The following CDCP1 variants were observed in gnomAD, a reference collection of about 807,000 sequenced individuals.
CDCP1 encodes CUB domain containing protein 1, also known as CUB domain-containing protein 1.
A neutral mutation model predicts 60.2 loss-of-function variants in CDCP1; 29 were observed. The ratio of observed to expected loss-of-function variants is 0.48; its 90% confidence interval spans 0.36 to 0.66. CDCP1 has a LOEUF of 0.66. CDCP1 is among the 30% of genes least tolerant of loss of function. CDCP1 has a pLI of 0.00. For missense variants in CDCP1, 876 were observed against 1,074.3 expected (o/e 0.82, Z 2.58); for synonymous variants, 387 against 431.1 (o/e 0.90, Z 1.27).
intron 1 of CDCP1, among the ~76,000 whole-genome samples, chr3:45,143,160 C>T (rs1021580395): frequency 3.3e-5 from 5 of 152,116 alleles, no homozygotes; most frequent in Non-Finnish European, 5.9e-5. Flanking sequence ...GCCGAGATCG[C>T]GCCATTGCAC....
intron 1 of CDCP1, among the ~76,000 whole-genome samples, chr3:45,119,653 G>A (rs2126000856): frequency 6.6e-6 from 1 of 152,264 alleles, no homozygotes; most frequent in Middle Eastern, 3.4e-3. Flanking sequence ...CTAATCAGAA[G>A]CTTTTGTTTC....
chr3:45,089,924 G>A (rs1413272536), intron 7 of CDCP1, among the ~76,000 whole-genome samples: 2 of 152,170 alleles, frequency 1.3e-5, no homozygotes, highest in Non-Finnish European at 2.9e-5. Context: ...TCCTTTTCCT[G>A]CAGCTGCACA....
intron 4 of CDCP1, among the ~76,000 whole-genome samples, chr3:45,100,951 C>A (rs976445368): frequency 6.6e-6 from 1 of 152,198 alleles, no homozygotes. Flanking sequence ...AAATGATCCC[C>A]AAATCTGAAT....
chr3:45,130,422 A>G (rs1188477228), intron 1 of CDCP1, among the ~76,000 whole-genome samples: 1 of 152,166 alleles, frequency 6.6e-6, no homozygotes, highest in Non-Finnish European at 1.5e-5. Context: ...TCCAGCCACA[A>G]TAAAACAATT....
At chr3:45,133,812 T>C (rs540883825) in intron 1 of CDCP1, among the ~76,000 whole-genome samples, 2 of 151,172 alleles carry the variant, frequency 1.3e-5, no homozygotes, top group South Asian at 2.1e-4. Flanking sequence ...TAATCTTGCC[T>C]CTGAGTCCCC....
intron 1 of CDCP1, among the ~76,000 whole-genome samples, chr3:45,126,251 T>TC (rs1553611041): frequency 9.8e-5 from 14 of 143,266 alleles, no homozygotes; most frequent in Admixed American, 9.2e-4. Flanking sequence ...TCCTTCCTTC[T>TC]TCTCTCTCTC....
chr3:45,098,328 ATC>A (rs1284798033), intron 4 of CDCP1, among the ~76,000 whole-genome samples: 2 of 152,146 alleles, frequency 1.3e-5, no homozygotes, highest in African/African-American at 4.8e-5. Flanking sequence ...CCTCCTGAGT[ATC>A]TGTGAAACAA....
In CDCP1 at chr3:45,145,536, G is replaced by A. The variant is rs542745370; in HGVS notation, c.82+670C>T. Reference sequence around the variant, plus strand: ...CTCAAAGTCCACTGCCAAAAAGTGCGAGGGGCGCGGGAATGTCCAGTCTCT... The same window carrying A: ...CTCAAAGTCCACTGCCAAAAAGTGCAAGGGGCGCGGGAATGTCCAGTCTCT... On this transcript the variant is annotated intron_variant, in intron 1 of 8. Transcript: ENST00000296129. 1.1e-4 allele frequency among the ~76,000 whole-genome samples: 17 copies of A among 152,270 alleles called. No homozygotes were observed. In the South Asian group the frequency reaches 2.3e-3, roughly 20 times the overall value.
intron 1 of CDCP1, among the ~76,000 whole-genome samples, chr3:45,143,552 T>C (rs776285159): frequency 3.1e-4 from 47 of 152,382 alleles, no homozygotes; most frequent in Non-Finnish European, 5.7e-4. Context: ...TACATACACA[T>C]TAAGAAGACT....
chr3:45,130,170 G>A (rs57259825), intron 1 of CDCP1, among the ~76,000 whole-genome samples: 10,466 of 150,564 alleles, frequency 0.07, 792 homozygotes, highest in African/African-American at 0.19. Context: ...CACCCAGGCT[G>A]CAGAGCAGTG....
At chr3:45,104,978 G>A (rs1187605180) in intron 4 of CDCP1, among the ~76,000 whole-genome samples, 4 of 152,214 alleles carry the variant, frequency 2.6e-5, no homozygotes, top group Non-Finnish European at 4.4e-5. Context: ...AACCCAGGAG[G>A]CGGAGGTTGC....
At chr3:45,090,987 T>C (rs1373757750) in intron 7 of CDCP1, among the ~76,000 whole-genome samples, 186 bp downstream of exon 7, 1 of 152,202 alleles carries the variant, frequency 6.6e-6, no homozygotes, top group Non-Finnish European at 1.5e-5. Flanking sequence ...CAATAATAGA[T>C]GGCTGCTACT....
intron 4 of CDCP1, among the ~76,000 whole-genome samples, 168 bp from the exon 5 acceptor site, chr3:45,095,736 GAC>G (rs1487370651): frequency 6.6e-6 from 1 of 151,940 alleles, no homozygotes; most frequent in African/African-American, 2.4e-5. Flanking sequence ...AACTATAAAA[GAC>G]AGTTAAAAAG....
In CDCP1 at chr3:45,108,702, T is replaced by C. The variant is rs544235851; in HGVS notation, c.1024+1771A>G. ...CACACTATATATATATGTGCATGTATACATATATATATGCATGTATACATA... is the reference window on the plus strand; with the variant it reads ...CACACTATATATATATGTGCATGTACACATATATATATGCATGTATACATA... On this transcript the variant is annotated intron_variant, in intron 4 of 8. Transcript: ENST00000296129. Among the ~76,000 whole-genome samples the C allele has an allele frequency of 8.4e-5, 12 of 143,696 alleles. No homozygotes were observed. The South Asian group carries it at 2.6e-3, about 31-fold the overall frequency. The allele number at this position is 143,696 out of a possible 152,430, so 94.3% of individuals were successfully genotyped here.
At chr3:45,145,059 A>G (rs1230201354) in intron 1 of CDCP1, among the ~76,000 whole-genome samples, 3 of 152,090 alleles carry the variant, frequency 2.0e-5, no homozygotes, top group African/African-American at 7.2e-5. Flanking sequence ...TCTATCTACT[A>G]TGCAGCAATA....
At chr3:45,138,666 T>C (rs1436602130) in intron 1 of CDCP1, among the ~76,000 whole-genome samples, 1 of 152,122 alleles carries the variant, frequency 6.6e-6, no homozygotes, top group Non-Finnish European at 1.5e-5. Flanking sequence ...CTGGCCGACA[T>C]GGTGAAACCT....
intron 5 of CDCP1, 82 bp downstream of exon 5, chr3:45,095,265 A>G: frequency 7.9e-7 from 1 of 1,271,962 alleles, no homozygotes; most frequent in Middle Eastern, 1.8e-4. Context: ...TTTACAACCT[A>G]CCCAGGGAAC....
At position 45,083,321 on chromosome 3, in the gene CDCP1, A is replaced by G. The variant is rs1311545965; in HGVS notation, c.*2317T>C. On this transcript the variant is annotated 3_prime_UTR_variant, in exon 9 of 9. Transcript: ENST00000296129. ...AGGTGCCATAGGCAACGCCAAGGGC[A>G]TGACTTAAATATCCTATCCTCTGGA... 6.6e-6 allele frequency: 1 copy of G among 152,232 alleles called. No homozygotes were observed. Among genetic ancestry groups the G allele is most frequent in the Non-Finnish European group, 1.5e-5 (1 of 68,052 alleles). The allele number at this position is 152,232 out of a possible 1,614,324, so 9.4% of individuals were successfully genotyped here. A position where few individuals can be genotyped will look rare whatever the true frequency, so the allele number is the denominator to read the frequency against.
At chr3:45,107,416 C>T (rs1397296202) in intron 4 of CDCP1, among the ~76,000 whole-genome samples, 3 of 152,030 alleles carry the variant, frequency 2.0e-5, no homozygotes, top group Non-Finnish European at 2.9e-5. Context: ...CCATATTGGC[C>T]AGGCTGGTCT....
Sources: allele counts gnomAD v4.1 joint callset (sites outside exome capture counted in the v4.1 genomes callset), GRCh38; gene constraint gnomAD v4.1.1; transcripts MANE v1.5; gene names NCBI Gene and HGNC (gene_info 2026-07-23, HGNC 2026-07-21).